The following ARID2 variants were observed in gnomAD, a reference collection of about 807,000 sequenced individuals.
ARID2 encodes the protein AT-rich interaction domain 2.
Under a neutral mutation model 184.6 loss-of-function variants are expected in ARID2, and 32 were observed. That is an observed-to-expected ratio of 0.17 (90% CI 0.13 to 0.23). ARID2 has a LOEUF of 0.23. Ranked by LOEUF, ARID2 falls within the 10% of genes least tolerant of loss-of-function variation. The pLI, the probability that ARID2 is intolerant of heterozygous loss-of-function variation, is 1.00. For missense variants in ARID2, 1,696 were observed against 2,197.6 expected (o/e 0.77, Z 4.56); for synonymous variants, 836 against 772.6 (o/e 1.08, Z -1.36).
At chr12:45,857,336 G>T (rs899996005) in intron 15 of ARID2, among the ~76,000 whole-genome samples, 1 of 152,138 alleles carries the variant, frequency 6.6e-6, no homozygotes, top group South Asian at 2.1e-4. Flanking sequence ...TCAGGCGGGG[G>T]CAGCATTTAG....
intron 5 of ARID2, among the ~76,000 whole-genome samples, chr12:45,820,143 G>T (rs901268039): frequency 1.3e-5 from 2 of 152,118 alleles, no homozygotes; most frequent in African/African-American, 4.8e-5. Flanking sequence ...TGCTACTTAT[G>T]TATAAATTTG....
intron 16 of ARID2, among the ~76,000 whole-genome samples, chr12:45,888,599 C>G (rs1189443664): frequency 6.6e-6 from 1 of 152,204 alleles, no homozygotes; most frequent in Non-Finnish European, 1.5e-5. Context: ...CTTACCACCA[C>G]TACTGCTACT....
chr12:45,788,489 T>G (rs1324978476), intron 3 of ARID2, among the ~76,000 whole-genome samples: 9 of 152,210 alleles, frequency 5.9e-5, no homozygotes, highest in Non-Finnish European at 1.5e-5. Context: ...AAAGAAATTG[T>G]TAATGATTAC....
chr12:45,902,376 T>C (rs1458746727), intron 20 of ARID2, among the ~76,000 whole-genome samples: 2 of 152,190 alleles, frequency 1.3e-5, no homozygotes, highest in Admixed American at 1.3e-4. Context: ...CCATGCAATA[T>C]TCAAATAAAA....
chr12:45,787,710 T>C (rs1163447326), intron 3 of ARID2, among the ~76,000 whole-genome samples: 1 of 152,174 alleles, frequency 6.6e-6, no homozygotes, highest in Non-Finnish European at 1.5e-5. Flanking sequence ...ACTTTTTAAA[T>C]GAATAGACAT....
chr12:45,834,726 C>T (rs536986603), intron 6 of ARID2, among the ~76,000 whole-genome samples: 1 of 152,240 alleles, frequency 6.6e-6, no homozygotes, highest in African/African-American at 2.4e-5. Context: ...GGTGATAGAG[C>T]GAGATTCCGT....
At chr12:45,795,230 A>AGGG (rs1942367281) in intron 3 of ARID2, among the ~76,000 whole-genome samples, 1 of 152,182 alleles carries the variant, frequency 6.6e-6, no homozygotes, top group South Asian at 2.1e-4. Flanking sequence ...AGTCCCATCT[A>AGGG]GAACATTGAC....
chr12:45,788,600 C>G (rs549090076), intron 3 of ARID2, among the ~76,000 whole-genome samples: 24 of 152,190 alleles, frequency 1.6e-4, no homozygotes, highest in African/African-American at 5.3e-4. Flanking sequence ...CTCCCTACCC[C>G]CTACCCAGGA....
At chr12:45,839,241 T>G in intron 10 of ARID2, 88 bp from the exon 11 acceptor site, 1 of 1,187,090 alleles carries the variant, frequency 8.4e-7, no homozygotes, top group South Asian at 1.6e-5. Flanking sequence ...TTCACATTGA[T>G]AAGTATTCTG....
At chr12:45,785,453 G>A (rs527737467) in intron 3 of ARID2, among the ~76,000 whole-genome samples, 46 of 152,062 alleles carry the variant, frequency 3.0e-4, no homozygotes, top group Non-Finnish European at 5.0e-4. Context: ...CTGTGATCAG[G>A]GAGAATGATT....
chr12:45,869,740 A>G (rs879932592), intron 16 of ARID2, among the ~76,000 whole-genome samples: 6 of 151,798 alleles, frequency 4.0e-5, no homozygotes, highest in African/African-American at 7.2e-5. Context: ...AACATTAGCC[A>G]GGCGTGGTGG....
rs183969138 is a variant in ARID2 at position 45,828,644 on chromosome 12, C to A, written c.705+7157C>A. On this transcript the variant is annotated intron_variant, in intron 6 of 20. Coordinates refer to ENST00000334344, the MANE Select transcript of ARID2 (RefSeq NM_152641.4). ...AGTATTTGGTATTGTCAGTCTCTTT[C>A]ATTTTAACTATTACAGTGAGTGTGC... 2.6e-5 allele frequency among the ~76,000 whole-genome samples: 4 copies of A among 152,116 alleles called. No homozygotes were observed. The East Asian group carries it at 7.7e-4, about 29-fold the overall frequency.
At chr12:45,795,721 C>A (rs1020231285) in intron 3 of ARID2, among the ~76,000 whole-genome samples, 1 of 152,092 alleles carries the variant, frequency 6.6e-6, no homozygotes. Context: ...TAGGCGTGAG[C>A]CCCCGCGCCT....
At chr12:45,896,923 CAAAAAA>C (rs577536164) in intron 20 of ARID2, among the ~76,000 whole-genome samples, 299 of 152,072 alleles carry the variant, frequency 2.0e-3, no homozygotes, top group Non-Finnish European at 2.2e-3. Flanking sequence ...TAATCTTACT[CAAAAAA>C]AGAAAAATTC....
rs185911406 is a variant in ARID2 at position 45,821,364 on chromosome 12, A to C, written c.638-56A>C. ...TTCCAAGCCTATTATTAAATAATTAATTGAAAGAATTTATTGCATTTTATT... is the reference window on the plus strand; with the variant it reads ...TTCCAAGCCTATTATTAAATAATTACTTGAAAGAATTTATTGCATTTTATT... On this transcript the variant is annotated intron_variant, in intron 5 of 20. Coordinates refer to ENST00000334344, the MANE Select transcript of ARID2 (RefSeq NM_152641.4). 7.4e-4 allele frequency: 798 copies of C among 1,085,432 alleles called. 1 individual carries two copies. In the African/African-American group the frequency reaches 0.012, roughly 16 times the overall value. 67.2% of individuals were successfully genotyped at this position (1,085,432 alleles called of 1,614,324 possible).
At position 45,841,249 on chromosome 12, in the gene ARID2, C is replaced by G. The variant is rs528882771; in HGVS notation, c.1498+1753C>G. On this transcript the variant is annotated intron_variant, in intron 11 of 20. Coordinates refer to ENST00000334344, the MANE Select transcript of ARID2 (RefSeq NM_152641.4). Reference sequence around the variant, plus strand: ...TGGTTAGCCTTTGACCTTCACAGTTCTTTTGACCTCAGCAAATGAACCTAC... The same window carrying G: ...TGGTTAGCCTTTGACCTTCACAGTTGTTTTGACCTCAGCAAATGAACCTAC... 5 of 152,284 alleles carry G rather than the reference C, an allele frequency of 3.3e-5. No homozygotes were observed. In the South Asian group the frequency reaches 1.0e-3, roughly 32 times the overall value. The allele number at this position is 152,284 out of a possible 1,614,324, so 9.4% of individuals were successfully genotyped here. A position where few individuals can be genotyped will look rare whatever the true frequency, so the allele number is the denominator to read the frequency against.
intron 3 of ARID2, chr12:45,789,703 G>C (rs1330425999): frequency 6.6e-6 from 1 of 152,084 alleles, no homozygotes; most frequent in Admixed American, 6.6e-5. Context: ...TTTTGCTTCA[G>C]TATTTTGCGG....
At chr12:45,900,715 C>G (rs954691987) in intron 20 of ARID2, among the ~76,000 whole-genome samples, 1 of 152,134 alleles carries the variant, frequency 6.6e-6, no homozygotes, top group Admixed American at 6.6e-5. Flanking sequence ...TCATTTAAGA[C>G]CCTACATGCC....
At chr12:45,815,660 T>C (rs1463615774) in intron 4 of ARID2, among the ~76,000 whole-genome samples, 1 of 152,092 alleles carries the variant, frequency 6.6e-6, no homozygotes, top group Non-Finnish European at 1.5e-5. Flanking sequence ...TTCCGAAATA[T>C]TCTTTTGTTA....
Sources: gnomAD v4.1 joint callset for allele counts (sites outside exome capture counted in the v4.1 genomes callset) on GRCh38, gnomAD v4.1.1 for gene constraint, MANE v1.5 for transcripts, NCBI Gene and HGNC (gene_info 2026-07-23, HGNC 2026-07-21) for gene names.